ACTN1: variants seen among roughly 807,000 people sequenced by gnomAD.
The protein encoded by ACTN1 is alpha-actinin-1.
Under a neutral mutation model 119.6 loss-of-function variants are expected in ACTN1, and 30 were observed. That is an observed-to-expected ratio of 0.25 (90% CI 0.19 to 0.34). The LOEUF is 0.34. Ranked by LOEUF, ACTN1 falls within the 10% of genes least tolerant of loss-of-function variation. The probability of loss-of-function intolerance (pLI) is 1.00; values close to 1 mark genes in which losing one functional copy is unlikely to be tolerated. For missense variants in ACTN1, 764 were observed against 1,223.4 expected, an observed-to-expected ratio of 0.62 and a Z score of 5.60; for synonymous variants, 429 against 472.6, an observed-to-expected ratio of 0.91 and a Z score of 1.20.
chr14:68,889,459 C>A (rs148422450), intron 11 of ACTN1, among the ~76,000 whole-genome samples: 1 of 152,306 alleles, frequency 6.6e-6, no homozygotes, highest in East Asian at 1.9e-4. Context: ...CAAGATAGAA[C>A]CTTATTTGGA....
intron 1 of ACTN1, among the ~76,000 whole-genome samples, chr14:68,962,282 G>A (rs895032672): frequency 1.3e-5 from 2 of 152,154 alleles, no homozygotes; most frequent in Non-Finnish European, 2.9e-5. Context: ...GCCTTGGCGA[G>A]CAAGCAGGAG....
In ACTN1 at chr14:68,929,626, C is replaced by T. The variant is rs889042316; in HGVS notation, c.106-3954G>A. ...GTTCCAGAAATGGCTTCAGGGATGCCGAGAGGTCCCAGGAAAAGTCCTTGG... is the reference window on the plus strand; with the variant it reads ...GTTCCAGAAATGGCTTCAGGGATGCTGAGAGGTCCCAGGAAAAGTCCTTGG... On this transcript the variant is annotated intron_variant, in intron 1 of 21. Coordinates refer to ENST00000394419, the MANE Select transcript of ACTN1 (RefSeq NM_001130004.2). 8.0e-5 allele frequency among the ~76,000 whole-genome samples: 12 copies of T among 150,178 alleles called. No individual in the cohort carries two copies. The East Asian group carries it at 9.7e-4, about 12-fold the overall frequency.
chr14:68,906,430 A>G (rs976674475), intron 6 of ACTN1, among the ~76,000 whole-genome samples: 1 of 152,200 alleles, frequency 6.6e-6, no homozygotes, highest in Non-Finnish European at 1.5e-5. Flanking sequence ...TAACACAAAG[A>G]TAAATACATC....
chr14:68,878,846 A>T lies in ACTN1; in HGVS notation c.2361+143T>A. 5 of 1,594,966 alleles carry T rather than the reference A, an allele frequency of 3.1e-6. No individual in the cohort carries two copies. The highest frequency in any genetic ancestry group is 4.2e-6 in the Non-Finnish European group (5 of 1,177,832). ...AGAGGGTGGACCAGTGATGGGGCAGACAGAGACAGCAGGAGAGGACGAGCC... is the reference window on the plus strand; with the variant it reads ...AGAGGGTGGACCAGTGATGGGGCAGTCAGAGACAGCAGGAGAGGACGAGCC... On this transcript the variant is annotated intron_variant, in intron 19 of 21. Transcript: ENST00000394419. This position sits in a 1 kb window ranked among gnomAD's most constrained non-coding sequence, Gnocchi z 4.4.
At chr14:68,927,579 G>A (rs979729331) in intron 1 of ACTN1, among the ~76,000 whole-genome samples, 1 of 152,126 alleles carries the variant, frequency 6.6e-6, no homozygotes, top group South Asian at 2.1e-4. Context: ...TTGTGGGTGA[G>A]GCTGAATGCT....
In ACTN1 at chr14:68,880,239, T is replaced by A; in HGVS notation, c.2134-131A>T. On this transcript the variant is annotated intron_variant, in intron 17 of 21. Coordinates refer to ENST00000394419, the MANE Select transcript of ACTN1 (RefSeq NM_001130004.2). The surrounding 1 kb of genome is among the most constrained non-coding windows in gnomAD (Gnocchi z 4.6). ...ACTTGGCCTTCTGTGTGGCTGAGTG[T>A]CACCAGAGGAAGGGGAACCAGGACA... 8.9e-7 allele frequency: 1 copy of A among 1,124,668 alleles called. No homozygotes were observed. Among genetic ancestry groups the A allele is most frequent in the South Asian group, 1.5e-5 (1 of 65,654 alleles). 69.7% of individuals were successfully genotyped at this position (1,124,668 alleles called of 1,614,324 possible).
intron 4 of ACTN1, among the ~76,000 whole-genome samples, chr14:68,911,751 C>T (rs1432949901): frequency 6.6e-6 from 1 of 152,164 alleles, no homozygotes. Flanking sequence ...CCATGGCGGC[C>T]CTTGCAGATC....
chr14:68,916,152 A>G (rs190418544), intron 3 of ACTN1, among the ~76,000 whole-genome samples: 29 of 152,272 alleles, frequency 1.9e-4, no homozygotes, highest in Admixed American at 1.8e-3. Context: ...ATAAGGGAAA[A>G]ATTTTTTAAG....
Position 68,893,736 on chromosome 14 carries a change from T to C in ACTN1, c.774A>G (p.Ala258=). The C allele has an allele frequency of 6.2e-7, 1 of 1,613,968 alleles. No individual in the cohort carries two copies. The highest frequency in any genetic ancestry group is 8.5e-7 in the Non-Finnish European group (1 of 1,180,000). Residue 258 remains alanine (A), a synonymous_variant, in exon 9 of 22, where the codon GCA becomes GCG. Coordinates refer to ENST00000394419, the MANE Select transcript of ACTN1 (RefSeq NM_001130004.2). ...AFSGAQKAET[A]ANRICKVLAV... is the part of the protein sequence containing the mutation. Reference sequence around the variant, plus strand: ...CCAACACCTTGCAGATGCGATTGGCTGCTGTCTCCGCCTGGCAACAAGACA... The same window carrying C: ...CCAACACCTTGCAGATGCGATTGGCCGCTGTCTCCGCCTGGCAACAAGACA...
chr14:68,979,151 T>TGGGCC lies in ACTN1; in HGVS notation c.-96_-95insGGCCC, dbSNP rs2037178539. ...GCGTGGGGAGGGAGTAGGGCTGGGC[T>TGGGCC]GGGCTGGGCTGGCGGGGCCGGGCTC... On this transcript the variant is annotated 5_prime_UTR_variant, in exon 1 of 22. Coordinates refer to ENST00000394419, the MANE Select transcript of ACTN1 (RefSeq NM_001130004.2). 2 of 414,532 alleles carry TGGGCC rather than the reference T, an allele frequency of 4.8e-6. No homozygotes were observed. The highest frequency in any genetic ancestry group is 4.7e-5 in the South Asian group (2 of 42,420). The allele number at this position is 414,532 out of a possible 1,614,324, so 25.7% of individuals were successfully genotyped here. A position where few individuals can be genotyped will look rare whatever the true frequency, so the allele number is the denominator to read the frequency against.
intron 1 of ACTN1, among the ~76,000 whole-genome samples, chr14:68,960,745 T>C (rs2036505759): frequency 9.0e-6 from 1 of 111,638 alleles, no homozygotes; most frequent in African/African-American, 3.6e-5. Flanking sequence ...AACCTATCTC[T>C]ATTAAAAAAA....
chr14:68,938,398 G>C (rs144706324), intron 1 of ACTN1, among the ~76,000 whole-genome samples: 1 of 152,058 alleles, frequency 6.6e-6, no homozygotes, highest in East Asian at 1.9e-4. Flanking sequence ...CTAGGCTCCA[G>C]TGCCAGCCCA....
chr14:68,963,913 C>A (rs1230095106), intron 1 of ACTN1, among the ~76,000 whole-genome samples: 1 of 152,098 alleles, frequency 6.6e-6, no homozygotes, highest in Non-Finnish European at 1.5e-5. Context: ...TGTGAATTTT[C>A]CATAAGTTTT....
At position 68,878,737 on chromosome 14, in the gene ACTN1, CA is replaced by C; in HGVS notation, c.2362-215del. On this transcript the variant is annotated intron_variant, in intron 19 of 21. Coordinates refer to ENST00000394419, the MANE Select transcript of ACTN1 (RefSeq NM_001130004.2). The surrounding 1 kb of genome is among the most constrained non-coding windows in gnomAD (Gnocchi z 4.4). The stretch of plus-strand genomic sequence containing the variant: ...AGGAGGAAGACAGAGCAGGGAGATG[CA>C]AAAATCCACCCATGGGATGAAGAGC... The C allele has an allele frequency of 6.5e-7, 1 of 1,537,992 alleles. No homozygotes were observed.
intron 1 of ACTN1, chr14:68,974,301 G>C (rs2036991051): frequency 6.5e-6 from 1 of 152,798 alleles, no homozygotes; most frequent in Admixed American, 6.5e-5. Flanking sequence ...GAACAATGAA[G>C]CTAGGCATAG....
chr14:68,949,258 T>A (rs1227553566), intron 1 of ACTN1, among the ~76,000 whole-genome samples: 3 of 152,078 alleles, frequency 2.0e-5, no homozygotes, highest in African/African-American at 7.2e-5. Flanking sequence ...GGGGTCCCCG[T>A]GCCTCCCCAG....
Position 68,909,256 on chromosome 14 carries a change from C to T in ACTN1, c.594+62G>A. ...GACTGTCACAACAAGGGTCCTAGTC[C>T]TGCTCTTTTCCCACCCCACCTGCCA... On this transcript the variant is annotated intron_variant, in intron 6 of 21. Coordinates refer to ENST00000394419, the MANE Select transcript of ACTN1 (RefSeq NM_001130004.2). The surrounding 1 kb of genome is among the most constrained non-coding windows in gnomAD (Gnocchi z 4.1). The T allele has an allele frequency of 6.6e-7, 1 of 1,526,590 alleles. No homozygotes were observed. Among genetic ancestry groups the T allele is most frequent in the Admixed American group, 1.7e-5 (1 of 59,796 alleles). The allele number at this position is 1,526,590 out of a possible 1,614,324, so 94.6% of individuals were successfully genotyped here.
intron 4 of ACTN1, among the ~76,000 whole-genome samples, chr14:68,911,502 G>A (rs1394994921): frequency 1.3e-5 from 2 of 152,096 alleles, no homozygotes; most frequent in Non-Finnish European, 2.9e-5. Context: ...TTGAATCCAC[G>A]TTGTTTTCAT....
Position 68,979,166 on chromosome 14 carries a change from G to GCT in ACTN1, c.-111_-110insAG. 5 of 571,906 alleles carry GCT rather than the reference G, an allele frequency of 8.7e-6. No homozygotes were observed. In the Admixed American group the frequency reaches 1.1e-4, roughly 13 times the overall value. The allele number at this position is 571,906 out of a possible 1,614,324, so 35.4% of individuals were successfully genotyped here. On this transcript the variant is annotated 5_prime_UTR_variant, in exon 1 of 22. Transcript: ENST00000394419. ...AGGGCTGGGCTGGGCTGGGCTGGCG[G>GCT]GGCCGGGCTCGCTCCCCTGCGCCCG...
Sources: gnomAD v4.1 joint callset for allele counts (sites outside exome capture counted in the v4.1 genomes callset) on GRCh38, gnomAD v4.1.1 for gene constraint, Gnocchi (gnomAD v3.1) non-coding constraint, MANE v1.5 for transcripts, NCBI Gene and HGNC (gene_info 2026-07-23, HGNC 2026-07-21) for gene names.